The following SNAP25 variants were observed in gnomAD, a reference collection of about 807,000 sequenced individuals.
The protein encoded by SNAP25 is synaptosome associated protein 25.
Under a neutral mutation model 28.7 loss-of-function variants are expected in SNAP25, and 3 were observed. That is an observed-to-expected ratio of 0.10 (90% CI 0.05 to 0.27). The LOEUF is 0.27. Ranked by LOEUF, SNAP25 falls within the 10% of genes least tolerant of loss-of-function variation. The pLI is 1.00. For synonymous variants in SNAP25, 61 were observed against 88.1 expected, an observed-to-expected ratio of 0.69 and a Z score of 1.72; for missense variants, 117 against 278.7, an observed-to-expected ratio of 0.42 and a Z score of 4.13.
At chr20:10,243,936 T>C (rs2063080742) in intron 1 of SNAP25, among the ~76,000 whole-genome samples, 1 of 152,160 alleles carries the variant, frequency 6.6e-6, no homozygotes, top group Non-Finnish European at 1.5e-5. Context: ...TTTGCCTTAG[T>C]TCCCAATCAC....
chr20:10,279,271 TCTGAAGTTAAC>T (rs1370889283), intron 3 of SNAP25, among the ~76,000 whole-genome samples: 6 of 152,226 alleles, frequency 3.9e-5, no homozygotes, highest in Non-Finnish European at 8.8e-5. Context: ...CTACATGAGC[TCTGAAGTTAAC>T]CTGAAGGGAG....
At chr20:10,224,282 T>TTTTTTTTTTTTTA in intron 1 of SNAP25, among the ~76,000 whole-genome samples, 1 of 132,680 alleles carries the variant, frequency 7.5e-6, no homozygotes, top group African/African-American at 2.8e-5. Context: ...TTTTTTTTTT[T>TTTTTTTTTTTTTA]TTTTTTTTTT....
At chr20:10,299,445 C>T (rs1243847476) in intron 7 of SNAP25, 33 bp downstream of exon 7, 22 of 1,600,364 alleles carry the variant, frequency 1.4e-5, no homozygotes, top group East Asian at 2.3e-5. Flanking sequence ...GTCCCTACTG[C>T]GAGTCACTTC....
At chr20:10,285,602 T>G (rs1038392944) in intron 4 of SNAP25, among the ~76,000 whole-genome samples, 25 of 152,336 alleles carry the variant, frequency 1.6e-4, no homozygotes, top group Non-Finnish European at 3.5e-4. Flanking sequence ...CATGACTATT[T>G]TTTTTATGGC....
chr20:10,252,031 C>CT (rs1456394541), intron 1 of SNAP25, among the ~76,000 whole-genome samples: 1 of 152,174 alleles, frequency 6.6e-6, no homozygotes, highest in African/African-American at 2.4e-5. Flanking sequence ...CCACGACCTT[C>CT]TAGAACCATC....
intron 3 of SNAP25, among the ~76,000 whole-genome samples, chr20:10,278,229 A>C (rs979500528): frequency 5.3e-4 from 81 of 152,344 alleles, no homozygotes; most frequent in African/African-American, 1.9e-3. Flanking sequence ...TTTATGAAAA[A>C]ATAGGAAAGC....
At chr20:10,241,390 C>T (rs554301362) in intron 1 of SNAP25, among the ~76,000 whole-genome samples, 1 of 152,176 alleles carries the variant, frequency 6.6e-6, no homozygotes, top group South Asian at 2.1e-4. Flanking sequence ...TGCCACTCCC[C>T]ATGTATTTAC....
intron 1 of SNAP25, among the ~76,000 whole-genome samples, chr20:10,221,869 A>T (rs987632591): frequency 6.6e-6 from 1 of 152,264 alleles, no homozygotes; most frequent in African/African-American, 2.4e-5. Flanking sequence ...GACGATTAGT[A>T]GAAACGAGAA....
At chr20:10,303,592 G>T (rs933411980) in intron 7 of SNAP25, among the ~76,000 whole-genome samples, 1 of 152,170 alleles carries the variant, frequency 6.6e-6, no homozygotes, top group Non-Finnish European at 1.5e-5. Flanking sequence ...GATACTGGTT[G>T]AGAGAAAAAC....
At chr20:10,267,699 A>G (rs539804386) in intron 1 of SNAP25, among the ~76,000 whole-genome samples, 1 of 152,158 alleles carries the variant, frequency 6.6e-6, no homozygotes, top group African/African-American at 2.4e-5. Flanking sequence ...CTACAGGCAC[A>G]CGCCACCACA....
intron 4 of SNAP25, among the ~76,000 whole-genome samples, chr20:10,292,515 T>C (rs1409339247): frequency 1.3e-5 from 2 of 152,208 alleles, no homozygotes; most frequent in East Asian, 3.8e-4. Context: ...AAGCAGATCC[T>C]TTCCTTAGTA....
intron 3 of SNAP25, among the ~76,000 whole-genome samples, 156 bp from the exon 4 acceptor site, chr20:10,284,568 A>G (rs2063839028): frequency 6.6e-6 from 1 of 152,058 alleles, no homozygotes; most frequent in Non-Finnish European, 1.5e-5. Context: ...CTATCCCTCC[A>G]TAACCCCTCA....
intron 3 of SNAP25, 75 bp from the exon 4 acceptor site, chr20:10,284,648 TC>T (rs1336564437): frequency 8.9e-7 from 1 of 1,118,466 alleles, no homozygotes; most frequent in African/African-American, 1.5e-5. Context: ...GGGCTAATTG[TC>T]CCCTTACTGA....
intron 1 of SNAP25, among the ~76,000 whole-genome samples, chr20:10,268,023 G>A (rs1286926621): frequency 6.6e-6 from 1 of 152,166 alleles, no homozygotes; most frequent in Non-Finnish European, 1.5e-5. Flanking sequence ...GATAGTAATA[G>A]TATGCACAGC....
At chr20:10,247,660 T>A (rs182992415) in intron 1 of SNAP25, among the ~76,000 whole-genome samples, 151 of 152,298 alleles carry the variant, frequency 9.9e-4, no homozygotes, top group Non-Finnish European at 1.6e-3. Flanking sequence ...GCCTGCTGCT[T>A]ACTCATCCTG....
chr20:10,305,845 C>T (rs548964950), intron 7 of SNAP25, among the ~76,000 whole-genome samples: 61 of 151,624 alleles, frequency 4.0e-4, no homozygotes, highest in African/African-American at 1.2e-3. Flanking sequence ...TATAAGCCTA[C>T]GCTCTCTGGT....
At chr20:10,231,983 T>G (rs757320708) in intron 1 of SNAP25, among the ~76,000 whole-genome samples, 1 of 152,226 alleles carries the variant, frequency 6.6e-6, no homozygotes, top group Non-Finnish European at 1.5e-5. Flanking sequence ...CAATTGAGAT[T>G]TATTGGCTTA....
intron 1 of SNAP25, among the ~76,000 whole-genome samples, chr20:10,265,790 T>A (rs1358393469): frequency 6.6e-6 from 1 of 152,160 alleles, no homozygotes. Flanking sequence ...GAACTCCACC[T>A]CTCACACCTA....
At chr20:10,255,813 G>A (rs1020741258) in intron 1 of SNAP25, among the ~76,000 whole-genome samples, 1 of 152,094 alleles carries the variant, frequency 6.6e-6, no homozygotes, top group Non-Finnish European at 1.5e-5. Flanking sequence ...TACGGATTTT[G>A]TATAGGGCTA....
Sources: gnomAD v4.1 joint callset for allele counts (sites outside exome capture counted in the v4.1 genomes callset) on GRCh38, gnomAD v4.1.1 for gene constraint, MANE v1.5 for transcripts, NCBI Gene and HGNC (gene_info 2026-07-23, HGNC 2026-07-21) for gene names.